The following PLPPR5 variants were observed in gnomAD, a reference collection of about 807,000 sequenced individuals.
PLPPR5 encodes phospholipid phosphatase related 5.
In PLPPR5, 16 loss-of-function variants were observed where a neutral mutation model predicts 33.9. The observed-to-expected ratio is 0.47, with a 90% CI of 0.32 to 0.72. The LOEUF (loss-of-function observed/expected upper bound fraction) is 0.72. PLPPR5 is among the 30% of genes least tolerant of loss of function. The pLI, the probability that PLPPR5 is intolerant of heterozygous loss-of-function variation, is 0.03. For synonymous variants in PLPPR5, 163 were observed against 150.3 expected (o/e 1.08, Z -0.62); for missense variants, 301 against 406.7 (o/e 0.74, Z 2.23).
At chr1:98,893,631 T>A (rs1378530486) in intron 5 of PLPPR5, among the ~76,000 whole-genome samples, 2 of 150,250 alleles carry the variant, frequency 1.3e-5, no homozygotes, top group African/African-American at 4.9e-5. Context: ...TTTTTTTTTT[T>A]TTTTTTTTTG....
intron 1 of PLPPR5, among the ~76,000 whole-genome samples, chr1:98,975,953 T>C (rs1022129127): frequency 6.6e-6 from 1 of 151,876 alleles, no homozygotes; most frequent in African/African-American, 2.4e-5. Context: ...GCATGTAATA[T>C]ATATATACTA....
At chr1:98,946,845 C>T (rs904406302) in intron 3 of PLPPR5, among the ~76,000 whole-genome samples, 7 of 151,832 alleles carry the variant, frequency 4.6e-5, no homozygotes, top group South Asian at 4.2e-4. Flanking sequence ...TTTTTAGAAG[C>T]GGAAGGTAAA....
rs369742241 is a variant in PLPPR5 at position 98,977,211 on chromosome 1, T to C, written c.238-20470A>G. The stretch of plus-strand genomic sequence containing the variant: ...TACATTTGTGGATGGATTAAATAAA[T>C]ACATGTGAAACTCTAGTGTATTCGA... On this transcript the variant is annotated intron_variant, in intron 1 of 5. Transcript: ENST00000263177. Among the ~76,000 whole-genome samples, 89 of 152,140 alleles carry C rather than the reference T, an allele frequency of 5.8e-4. No homozygotes were observed. In the South Asian group the frequency reaches 0.018, roughly 31 times the overall value.
At chr1:98,938,217 C>T (rs1297180716) in intron 3 of PLPPR5, among the ~76,000 whole-genome samples, 1 of 151,898 alleles carries the variant, frequency 6.6e-6, no homozygotes, top group Admixed American at 6.6e-5. Context: ...AGAACTTGAG[C>T]TATTTCAATT....
At chr1:98,905,638 T>C (rs1223102187) in intron 5 of PLPPR5, among the ~76,000 whole-genome samples, 1 of 152,154 alleles carries the variant, frequency 6.6e-6, no homozygotes, top group Non-Finnish European at 1.5e-5. Context: ...TATCTTCTAC[T>C]TAAATTTTAT....
chr1:98,891,202 G>C lies in PLPPR5; in HGVS notation c.*1870C>G, dbSNP rs1321150499. ...CAGGACTGAATTGCTCTAGAGGTCT[G>C]AAATTAGTAGAAATTTTCTTTTCTT... On this transcript the variant is annotated 3_prime_UTR_variant, in exon 6 of 6. Coordinates refer to ENST00000263177, the MANE Select transcript of PLPPR5 (RefSeq NM_001037317.2). 6.6e-6 allele frequency: 1 copy of C among 152,112 alleles called. No homozygotes were observed. The highest frequency in any genetic ancestry group is 1.5e-5 in the Non-Finnish European group (1 of 68,022). 9.4% of individuals were successfully genotyped at this position (152,112 alleles called of 1,614,324 possible).
chr1:98,953,999 T>G (rs1308079457), intron 2 of PLPPR5, among the ~76,000 whole-genome samples: 1 of 152,198 alleles, frequency 6.6e-6, no homozygotes, highest in Non-Finnish European at 1.5e-5. Flanking sequence ...GTGGGCTATT[T>G]AGTAAACAAG....
chr1:99,005,133 G>A (rs1428123650), upstream of PLPPR5: 2 of 152,206 alleles, frequency 1.3e-5, no homozygotes, highest in Non-Finnish European at 2.9e-5. Flanking sequence ...CGGACGCTGT[G>A]GGGCTGGAGA....
chr1:98,980,128 C>A (rs959878858), intron 1 of PLPPR5, among the ~76,000 whole-genome samples: 1 of 152,034 alleles, frequency 6.6e-6, no homozygotes, highest in Non-Finnish European at 1.5e-5. Context: ...CTGAAAGAAG[C>A]AACAAAATAT....
chr1:98,893,672 T>G (rs1234468039), intron 5 of PLPPR5, among the ~76,000 whole-genome samples: 3 of 130,668 alleles, frequency 2.3e-5, no homozygotes, highest in Admixed American at 8.8e-5. Flanking sequence ...ACAAAGAAAC[T>G]CTGTGGAATG....
At chr1:98,897,095 A>G (rs939832636) in intron 5 of PLPPR5, among the ~76,000 whole-genome samples, 3 of 152,178 alleles carry the variant, frequency 2.0e-5, no homozygotes, top group Non-Finnish European at 4.4e-5. Flanking sequence ...AATGTATTTG[A>G]AAGATTAATA....
chr1:99,000,555 G>C (rs1021972614), intron 1 of PLPPR5, among the ~76,000 whole-genome samples: 1 of 152,154 alleles, frequency 6.6e-6, no homozygotes, highest in Non-Finnish European at 1.5e-5. Context: ...GTCTCCATTT[G>C]CTGCCTCCAA....
rs557437994 is a variant in PLPPR5 at position 98,995,881 on chromosome 1, G to C, written c.237+8554C>G. ...ACATCATCACCATGAACTTCAGTTG[G>C]TGTCTGGATACCTTATCTAGTAAAA... On this transcript the variant is annotated intron_variant, in intron 1 of 5. Transcript: ENST00000263177. 5.5e-4 allele frequency among the ~76,000 whole-genome samples: 83 copies of C among 152,182 alleles called. 2 individuals are homozygous for C. Among genetic ancestry groups the C allele is most frequent in the African/African-American group, 1.6e-3 (68 of 41,550 alleles).
intron 1 of PLPPR5, among the ~76,000 whole-genome samples, chr1:98,976,724 CTT>C (rs1417831162): frequency 6.6e-6 from 1 of 151,948 alleles, no homozygotes; most frequent in African/African-American, 2.4e-5. Flanking sequence ...TAAAAAATAA[CTT>C]ATTAATAAGT....
At chr1:98,987,064 A>G (rs1268810822) in intron 1 of PLPPR5, among the ~76,000 whole-genome samples, 1 of 151,836 alleles carries the variant, frequency 6.6e-6, no homozygotes, top group Non-Finnish European at 1.5e-5. Flanking sequence ...ATCACTCTGG[A>G]TAAATAAATG....
intron 3 of PLPPR5, among the ~76,000 whole-genome samples, chr1:98,938,454 G>C (rs1650252410): frequency 6.8e-6 from 1 of 147,990 alleles, no homozygotes; most frequent in Non-Finnish European, 1.5e-5. Flanking sequence ...TATTTTTACT[G>C]GGTAAGTGCA....
chr1:98,911,516 C>T lies in PLPPR5; in HGVS notation c.933+3270G>A, dbSNP rs546880325. Among the ~76,000 whole-genome samples the T allele has an allele frequency of 5.9e-5, 9 of 152,140 alleles. No homozygotes were observed. The East Asian group carries it at 1.7e-3, about 29-fold the overall frequency. ...TATAAATAAAAATGAACTAGCATAA[C>T]ATCAACAAGAACCTTTTAAATAATT... On this transcript the variant is annotated intron_variant, in intron 5 of 5. Coordinates refer to ENST00000263177, the MANE Select transcript of PLPPR5 (RefSeq NM_001037317.2).
At chr1:98,949,624 T>C (rs921747867) in intron 3 of PLPPR5, among the ~76,000 whole-genome samples, 3 of 152,220 alleles carry the variant, frequency 2.0e-5, no homozygotes, top group African/African-American at 7.2e-5. Context: ...AAGCATTTCA[T>C]GAGACTGCAT....
chr1:98,904,146 T>C (rs1648805707), intron 5 of PLPPR5, among the ~76,000 whole-genome samples: 2 of 152,176 alleles, frequency 1.3e-5, no homozygotes, highest in Admixed American at 1.3e-4. Flanking sequence ...GATGTTTCTG[T>C]TAAAAGGGGT....
Sources: gnomAD v4.1 joint callset for allele counts (sites outside exome capture counted in the v4.1 genomes callset) on GRCh38, gnomAD v4.1.1 for gene constraint, MANE v1.5 for transcripts, NCBI Gene and HGNC (gene_info 2026-07-23, HGNC 2026-07-21) for gene names.